PTER: variants seen among roughly 807,000 people sequenced by gnomAD.
PTER encodes the protein N-acetyltaurine hydrolase.
Under a neutral mutation model 29.6 loss-of-function variants are expected in PTER, and 38 were observed. That is an observed-to-expected ratio of 1.28 (90% CI 0.99 to 1.68). The LOEUF is 1.68. Ranked by LOEUF, PTER falls within the 40% of genes most tolerant of loss-of-function variation. The probability of loss-of-function intolerance (pLI) is 0.00; values close to 1 mark genes in which losing one functional copy is unlikely to be tolerated. For missense variants in PTER, 482 were observed against 427.8 expected (o/e 1.13, Z -1.12); for synonymous variants, 172 against 154.5 (o/e 1.11, Z -0.84).
intron 1 of PTER, among the ~76,000 whole-genome samples, chr10:16,467,715 C>A (rs11816048): frequency 1.3e-5 from 2 of 151,948 alleles, no homozygotes; most frequent in African/African-American, 4.8e-5. Flanking sequence ...GGGAGGCTGA[C>A]GCAGGAGAAT....
chr10:16,440,402 TAAAA>T (rs906226556), intron 1 of PTER, among the ~76,000 whole-genome samples: 12 of 151,494 alleles, frequency 7.9e-5, no homozygotes, highest in African/African-American at 2.7e-4. Flanking sequence ...CATCATCTCT[TAAAA>T]AAAAGAAAAA....
At chr10:16,444,164 G>A (rs761912647) in intron 1 of PTER, among the ~76,000 whole-genome samples, 1 of 151,950 alleles carries the variant, frequency 6.6e-6, no homozygotes, top group Admixed American at 6.6e-5. Flanking sequence ...ACCATGCCCA[G>A]CTAACTTTTA....
intron 1 of PTER, among the ~76,000 whole-genome samples, chr10:16,476,739 T>C (rs10795398): frequency 0.15 from 22,334 of 151,248 alleles, 2,888 homozygotes; most frequent in African/African-American, 0.35. Flanking sequence ...GCCCAGCTAA[T>C]TTTTGTAGAG....
rs185469631 is a variant in PTER, at chr10:16,469,797, C to T, written c.-48-14540C>T. Among the ~76,000 whole-genome samples, 16 of 152,126 alleles carry T rather than the reference C, an allele frequency of 1.1e-4. No homozygotes were observed. In the East Asian group the frequency reaches 1.2e-3, roughly 11 times the overall value. ...CTCACTTTGTTGCCCAAGCTGATTGCGAACTCCTGGGCTCAAGCAGTCCTC... is the reference window on the plus strand; with the variant it reads ...CTCACTTTGTTGCCCAAGCTGATTGTGAACTCCTGGGCTCAAGCAGTCCTC... On this transcript the variant is annotated intron_variant, in intron 1 of 4. Transcript: ENST00000535784.
At chr10:16,497,511 T>C (rs887026464) in intron 3 of PTER, among the ~76,000 whole-genome samples, 7 of 152,226 alleles carry the variant, frequency 4.6e-5, no homozygotes, top group Admixed American at 3.9e-4. Flanking sequence ...TAGCACAAGA[T>C]AGCTGATAGT....
At chr10:16,447,752 A>G (rs1834068612) in intron 1 of PTER, among the ~76,000 whole-genome samples, 1 of 152,130 alleles carries the variant, frequency 6.6e-6, no homozygotes, top group Non-Finnish European at 1.5e-5. Flanking sequence ...TCATGCCTGC[A>G]TATTGTGCAG....
downstream of PTER, chr10:16,514,140 T>C: frequency 2.5e-6 from 1 of 398,140 alleles, no homozygotes; most frequent in Non-Finnish European, 4.4e-6. Flanking sequence ...AATAAGCAGG[T>C]AAACTCACAA....
chr10:16,463,938 A>G (rs1012047763), intron 1 of PTER, among the ~76,000 whole-genome samples: 1 of 152,154 alleles, frequency 6.6e-6, no homozygotes, highest in African/African-American at 2.4e-5. Flanking sequence ...GTGAAATGGG[A>G]ACAATAATAA....
chr10:16,463,852 C>T (rs192229605), intron 1 of PTER, among the ~76,000 whole-genome samples: 32 of 152,316 alleles, frequency 2.1e-4, no homozygotes, highest in Admixed American at 1.8e-3. Context: ...GAACCTATAG[C>T]AGTGGATTCT....
chr10:16,474,821 A>C (rs1215944354), intron 1 of PTER, among the ~76,000 whole-genome samples: 2 of 152,196 alleles, frequency 1.3e-5, no homozygotes, highest in African/African-American at 4.8e-5. Flanking sequence ...CAGGAAGCAG[A>C]GGTTGCAGTG....
rs1364734230 is a variant in PTER, at chr10:16,511,926, A to G, written c.*670A>G. 6.5e-6 allele frequency: 1 copy of G among 152,774 alleles called. No homozygotes were observed. The highest frequency in any genetic ancestry group is 1.5e-5 in the Non-Finnish European group (1 of 68,168). The allele number at this position is 152,774 out of a possible 1,614,324, so 9.5% of individuals were successfully genotyped here. On this transcript the variant is annotated 3_prime_UTR_variant, in exon 5 of 5. Coordinates refer to ENST00000535784, the MANE Select transcript of PTER (RefSeq NM_001261836.2). ...CATTTTGCTGTTTTGCAAAGTTTGT[A>G]TAAGAACACATAACACTACTGAATT...
At chr10:16,508,694 A>G (rs2133518282) in intron 4 of PTER, among the ~76,000 whole-genome samples, 1 of 152,192 alleles carries the variant, frequency 6.6e-6, no homozygotes, top group Middle Eastern at 3.4e-3. Context: ...GTGTATATAT[A>G]TATAAAATAC....
chr10:16,480,651 T>C (rs894066823), intron 1 of PTER, among the ~76,000 whole-genome samples: 1 of 152,150 alleles, frequency 6.6e-6, no homozygotes, highest in Non-Finnish European at 1.5e-5. Flanking sequence ...ACAGGTAAAA[T>C]AGAGTCCTGG....
At chr10:16,456,433 G>A (rs928319433) in intron 1 of PTER, among the ~76,000 whole-genome samples, 1 of 152,154 alleles carries the variant, frequency 6.6e-6, no homozygotes, top group African/African-American at 2.4e-5. Context: ...TCCGCAGTGT[G>A]CATCATTTGT....
chr10:16,490,210 A>G (rs1564403477), intron 3 of PTER, among the ~76,000 whole-genome samples: 2 of 152,182 alleles, frequency 1.3e-5, no homozygotes, highest in African/African-American at 2.4e-5. Flanking sequence ...CATATAATGT[A>G]TTGAATACTG....
At chr10:16,497,601 G>A (rs1588625666) in intron 3 of PTER, among the ~76,000 whole-genome samples, 1 of 152,168 alleles carries the variant, frequency 6.6e-6, no homozygotes, top group South Asian at 2.1e-4. Context: ...ATTTGAAACT[G>A]TAAAGCCCAA....
At chr10:16,453,001 C>T (rs137968672) in intron 1 of PTER, among the ~76,000 whole-genome samples, 2,717 of 152,298 alleles carry the variant, frequency 0.018, 88 homozygotes, top group African/African-American at 0.063. Context: ...CTGCCTGCCT[C>T]AGCCTCCCAA....
chr10:16,486,853 G>T, intron 3 of PTER: 1 of 462,638 alleles, frequency 2.2e-6, no homozygotes, highest in Non-Finnish European at 3.8e-6. Context: ...AAGATATTTC[G>T]CATAAGTCAT....
rs935370723 is a variant in PTER at position 16,511,351 on chromosome 10, G to T, written c.*95G>T. On this transcript the variant is annotated 3_prime_UTR_variant, in exon 5 of 5. Transcript: ENST00000535784. ...TGTGAGATATTAATCAGTTACCTAG[G>T]ACTAATGACAGATCATTTCCTTCTG... The T allele has an allele frequency of 1.8e-6, 2 of 1,131,042 alleles. No individual in the cohort carries two copies. The highest frequency in any genetic ancestry group is 2.6e-6 in the Non-Finnish European group (2 of 762,198). The allele number at this position is 1,131,042 out of a possible 1,614,324, so 70.1% of individuals were successfully genotyped here.
Sources: allele counts gnomAD v4.1 joint callset (sites outside exome capture counted in the v4.1 genomes callset), GRCh38; gene constraint gnomAD v4.1.1; transcripts MANE v1.5; gene names NCBI Gene and HGNC (gene_info 2026-07-23, HGNC 2026-07-21).